Variants in SH3D21 observed in about 807,000 individuals in gnomAD.
The protein encoded by SH3D21 is manchette microtubule inner protein 1, also known as SH3 domain-containing protein 21.
SH3D21 carries 83 observed loss-of-function variants against 82.1 expected under a neutral mutation model. The ratio of observed to expected loss-of-function variants is 1.01; its 90% CI spans 0.85 to 1.21. The LOEUF (loss-of-function observed/expected upper bound fraction) is 1.21. Ranked by LOEUF, SH3D21 falls within the 50% of genes most tolerant of loss-of-function variation. The probability of loss-of-function intolerance (pLI) is 0.00; values close to 1 mark genes in which losing one functional copy is unlikely to be tolerated. For missense variants in SH3D21, 980 were observed against 962.1 expected (o/e 1.02, Z -0.25); for synonymous variants, 383 against 387.8 (o/e 0.99, Z 0.15).
Position 36,319,707 on chromosome 1 carries a change from C to T in SH3D21, c.1044C>T (p.Pro348=), listed in dbSNP as rs377064888. The T allele has an allele frequency of 3.5e-5, 56 of 1,594,602 alleles. No homozygotes were observed. Among genetic ancestry groups the T allele is most frequent in the South Asian group, 2.5e-4 (22 of 87,952 alleles). Residue 348 remains proline, a synonymous_variant, in exon 14 of 16, where the codon CCC becomes CCT. Transcript: ENST00000453908. ...AGCACAGCAGCCCGGTAAAGGCCCC[C>T]TCTGTGAAGAGAACCCCCATGCCGG... is the stretch of plus-strand genomic sequence containing the variant. ...EEEHSSPVKA[P]SVKRTPMPDK... is the part of the protein sequence containing the mutation.
rs1238164050 is a variant in SH3D21, at chr1:36,319,929, G to A, written c.1266G>A (p.Pro422=). The A allele has an allele frequency of 6.8e-6, 11 of 1,613,938 alleles. No individual in the cohort carries two copies. The highest frequency in any genetic ancestry group is 1.6e-4 in the Middle Eastern group (1 of 6,084). The change falls in exon 14 of 16, where the codon CCG becomes CCA. Residue 422 remains proline, a synonymous_variant. Coordinates refer to ENST00000453908, the MANE Select transcript of SH3D21 (RefSeq NM_001162530.2). ...CCACCCCAGAGAAGATGGTGACTCCGGAGGACAAGGCTTCTATCCCAGAGA... is the reference window on the plus strand; with the variant it reads ...CCACCCCAGAGAAGATGGTGACTCCAGAGGACAAGGCTTCTATCCCAGAGA... ...KVPTPEKMVT[P]EDKASIPENS...
At chr1:36,309,164 CAG>C (rs952001638) in intron 9 of SH3D21, among the ~76,000 whole-genome samples, 1 of 151,612 alleles carries the variant, frequency 6.6e-6, no homozygotes. Flanking sequence ...TGTTGGTACT[CAG>C]AAAGTTTCAG....
rs560049240 is a variant in SH3D21, at chr1:36,320,143, G to A, written c.1480G>A (p.Glu494Lys). The change falls in exon 14 of 16, where the codon GAG (glutamate) becomes AAG (lysine). Residue 494 changes from glutamate to lysine, a missense_variant. By Grantham distance (56) the Glu-to-Lys change is moderately conservative. Transcript: ENST00000453908. ...CTTGACCCCAGAGCTTTCTGAAGAA[G>A]AGGTGTCCACCAGAGATGACATTCA... ...KVLTPELSEEEVSTRDDIQFH... is the reference protein window; with the variant it reads ...KVLTPELSEEKVSTRDDIQFH... 3.7e-5 allele frequency: 60 copies of A among 1,613,936 alleles called. No individual in the cohort carries two copies. Among genetic ancestry groups the A allele is most frequent in the Admixed American group, 1.5e-4 (9 of 60,028 alleles).
In SH3D21 at chr1:36,308,066, G is replaced by T. The variant is rs760123576; in HGVS notation, c.539-43G>T. 3.2e-6 allele frequency: 5 copies of T among 1,546,314 alleles called. No homozygotes were observed. The African/African-American group carries it at 6.9e-5, about 21-fold the overall frequency. ...GGAGGTGGGGGCTGCTGATGGATGGGGGAGGCTTGGCTTCAGAGGACAGTG... is the reference window on the plus strand; with the variant it reads ...GGAGGTGGGGGCTGCTGATGGATGGTGGAGGCTTGGCTTCAGAGGACAGTG... On this transcript the variant is annotated intron_variant, in intron 7 of 15. Transcript: ENST00000453908.
chr1:36,320,829 G>A (rs1435753717), intron 14 of SH3D21, 31 bp downstream of exon 14: 47 of 1,550,282 alleles, frequency 3.0e-5, no homozygotes, highest in Non-Finnish European at 3.9e-5. Context: ...GTTGTGGAAG[G>A]TAGGGTTCCC....
chr1:36,323,599 C>G (rs1317669363), downstream of SH3D21: 1 of 152,132 alleles, frequency 6.6e-6, no homozygotes, highest in Non-Finnish European at 1.5e-5. Flanking sequence ...ACGGGCGGGA[C>G]ACGGACCGAG....
At chr1:36,315,137 G>T (rs148458870) in intron 10 of SH3D21, among the ~76,000 whole-genome samples, 7 of 151,818 alleles carry the variant, frequency 4.6e-5, no homozygotes, top group African/African-American at 1.7e-4. Context: ...TTAGCAGGGC[G>T]TGGTGGCGGG....
chr1:36,326,357 G>A (rs1212741445), downstream of SH3D21, among the ~76,000 whole-genome samples: 1 of 151,612 alleles, frequency 6.6e-6, no homozygotes, highest in African/African-American at 2.4e-5. Context: ...TCAGCCTCCC[G>A]AGTAGCTGGG....
chr1:36,313,863 C>G (rs775176467), intron 10 of SH3D21, among the ~76,000 whole-genome samples: 17 of 151,244 alleles, frequency 1.1e-4, no homozygotes, highest in Non-Finnish European at 1.9e-4. Flanking sequence ...CTTCACTCAG[C>G]TGTTTTTGTT....
rs1345344098 is a variant in SH3D21, at chr1:36,307,236, C to A, written c.296C>A (p.Ala99Glu). 9 of 1,551,566 alleles carry A rather than the reference C, an allele frequency of 5.8e-6. No individual in the cohort carries two copies. The African/African-American group carries it at 1.2e-4, about 21-fold the overall frequency. The change falls in exon 4 of 16, where the codon GCG becomes GAG. Residue 99 changes from alanine to glutamate, a missense_variant. Ala to Glu is a moderately radical substitution (Grantham distance 107, BLOSUM62 -1). Transcript: ENST00000453908. The surrounding 1 kb of genome is among the most constrained non-coding windows in gnomAD (Gnocchi z 5.4). ...KVNFSYSPEQADELKLQAGEI... is the reference protein window; with the variant it reads ...KVNFSYSPEQEDELKLQAGEI... ...AACTTCAGCTACAGCCCAGAGCAGGCGGACGAGCTGAAGCTGCAAGCTGGG... is the reference window on the plus strand; with the variant it reads ...AACTTCAGCTACAGCCCAGAGCAGGAGGACGAGCTGAAGCTGCAAGCTGGG...
chr1:36,319,377 G>T, intron 12 of SH3D21, 65 bp downstream of exon 12: 1 of 1,550,824 alleles, frequency 6.4e-7, no homozygotes. Context: ...CTGTGCGGAG[G>T]GACAGAGGTG....
Position 36,319,084 on chromosome 1 carries a change from A to C in SH3D21, c.783A>C (p.Glu261Asp), listed in dbSNP as rs776379069. 5.2e-6 allele frequency: 8 copies of C among 1,548,674 alleles called. No homozygotes were observed. In the East Asian group the frequency reaches 1.2e-4, roughly 24 times the overall value. Residue 261 changes from glutamate (E) to aspartate (D), a missense_variant, in exon 11 of 16, where the codon GAA becomes GAC. By Grantham distance (45) the Glu-to-Asp change is conservative (BLOSUM62 2). Transcript: ENST00000453908. The part of the protein sequence containing the change: ...VVSRESAPIK[E>D]PKKLMPKTSL... ...CTCTCTTCCCAGCTCCTATTAAGGA[A>C]CCAAAAAAGTTGATGCCCAAAACAT... is the stretch of plus-strand genomic sequence containing the variant.
At chr1:36,312,005 C>T (rs55667179) in intron 10 of SH3D21, among the ~76,000 whole-genome samples, 13,088 of 151,540 alleles carry the variant, frequency 0.086, 764 homozygotes, top group Middle Eastern at 0.24. Flanking sequence ...TAGTTTTATA[C>T]ATAAAACTAT....
Position 36,316,514 on chromosome 1 carries a change from C to T in SH3D21, c.770-2557C>T, listed in dbSNP as rs185482180. Among the ~76,000 whole-genome samples the T allele has an allele frequency of 1.1e-4, 16 of 152,344 alleles. No individual in the cohort carries two copies. The East Asian group carries it at 3.1e-3, about 29-fold the overall frequency. On this transcript the variant is annotated intron_variant, in intron 10 of 15. Coordinates refer to ENST00000453908, the MANE Select transcript of SH3D21 (RefSeq NM_001162530.2). ...TCTCCCAAAGTGTTGGGATTACAGG[C>T]GTGAGCCACCGCGCCTGGCCGAGAA...
At chr1:36,316,768 T>C (rs1393280154) in intron 10 of SH3D21, among the ~76,000 whole-genome samples, 37 of 151,162 alleles carry the variant, frequency 2.4e-4, no homozygotes, top group Non-Finnish European at 4.9e-4. Flanking sequence ...TCTCTCTTTT[T>C]TTTTTTTTTT....
chr1:36,309,259 G>A (rs1426983895), intron 9 of SH3D21, among the ~76,000 whole-genome samples: 1 of 151,550 alleles, frequency 6.6e-6, no homozygotes, highest in Non-Finnish European at 1.5e-5. Context: ...TGCAGCGGCA[G>A]GATCGCCACT....
chr1:36,326,101 A>C (rs116325267), downstream of SH3D21, among the ~76,000 whole-genome samples: 997 of 152,246 alleles, frequency 6.5e-3, 18 homozygotes, highest in Admixed American at 9.6e-3. Flanking sequence ...GGCAGGAGTA[A>C]GAACATGCTT....
At chr1:36,314,067 C>G (rs1362628669) in intron 10 of SH3D21, among the ~76,000 whole-genome samples, 1 of 137,592 alleles carries the variant, frequency 7.3e-6, no homozygotes, top group Non-Finnish European at 1.5e-5. Flanking sequence ...CTCTGCCTCC[C>G]GGGTTCACGC....
chr1:36,319,882 A>ATGCTT lies in SH3D21; in HGVS notation c.1220_1221insGCTTT (p.Ile407MetfsTer16), dbSNP rs1302096256. 14 of 1,614,040 alleles carry ATGCTT rather than the reference A, an allele frequency of 8.7e-6. No homozygotes were observed. The highest frequency in any genetic ancestry group is 1.2e-5 in the Non-Finnish European group (14 of 1,179,982). ...CCCAGGGAACTCCACCTCGGGGAAGATCCCAGCTCCTGACAAAGTCCCCAC... is the reference window on the plus strand; with the variant it reads ...CCCAGGGAACTCCACCTCGGGGAAGATGCTTTCCCAGCTCCTGACAAAGTCCCCAC... On this transcript the variant is annotated frameshift_variant, in exon 14 of 16. Coordinates refer to ENST00000453908, the MANE Select transcript of SH3D21 (RefSeq NM_001162530.2). LOFTEE classifies it high-confidence loss of function.
Sources: gnomAD v4.1 joint callset for allele counts (sites outside exome capture counted in the v4.1 genomes callset) on GRCh38, gnomAD v4.1.1 for gene constraint, Gnocchi (gnomAD v3.1) non-coding constraint, MANE v1.5 for transcripts, NCBI Gene and HGNC (gene_info 2026-07-23, HGNC 2026-07-21) for gene names.